The following FDX1 variants were observed in gnomAD, a reference collection of about 807,000 sequenced individuals.
FDX1 encodes the protein adrenodoxin, mitochondrial.
In FDX1, 9 loss-of-function variants were observed where a neutral mutation model predicts 14.9. The observed-to-expected ratio is 0.60, with a 90% confidence interval of 0.36 to 1.05. The LOEUF is 1.05. Among genes scored for constraint, FDX1 ranks in the 50% least tolerant of loss-of-function variants. The pLI is 0.01. For synonymous variants in FDX1, 92 were observed against 99.4 expected, an observed-to-expected ratio of 0.93 and a Z score of 0.44; for missense variants, 204 against 237.2, an observed-to-expected ratio of 0.86 and a Z score of 0.92.
intron 3 of FDX1, among the ~76,000 whole-genome samples, 194 bp downstream of exon 3, chr11:110,457,241 T>G (rs544350960): frequency 9.8e-5 from 15 of 152,310 alleles, no homozygotes; most frequent in African/African-American, 2.4e-4. Flanking sequence ...CTTATGAAAT[T>G]TTACAAAAGT....
At chr11:110,437,602 T>C (rs955846860) in intron 2 of FDX1, among the ~76,000 whole-genome samples, 1 of 152,240 alleles carries the variant, frequency 6.6e-6, no homozygotes, top group African/African-American at 2.4e-5. Flanking sequence ...GCCGCTTTTA[T>C]GTCTGTGTCT....
intron 1 of FDX1, among the ~76,000 whole-genome samples, chr11:110,434,229 A>G (rs1022991244): frequency 2.7e-4 from 41 of 152,180 alleles, no homozygotes; most frequent in African/African-American, 9.4e-4. Flanking sequence ...ATTTGTAAGT[A>G]TACAATGTGG....
chr11:110,432,196 A>G (rs1007327141), intron 1 of FDX1, among the ~76,000 whole-genome samples: 2 of 152,198 alleles, frequency 1.3e-5, no homozygotes, highest in Non-Finnish European at 2.9e-5. Context: ...GAGAGTCAGA[A>G]AAACTCCTTT....
At chr11:110,457,144 T>C in intron 3 of FDX1, 97 bp downstream of exon 3, 3 of 1,055,722 alleles carry the variant, frequency 2.8e-6, no homozygotes, top group Non-Finnish European at 4.1e-6. Context: ...AATGTAATAG[T>C]GTTCTACCAG....
chr11:110,435,762 G>T lies in FDX1; in HGVS notation c.186-72G>T, dbSNP rs779949588. 4.8e-4 allele frequency: 602 copies of T among 1,256,426 alleles called. 6 individuals carry two copies. The highest frequency in any genetic ancestry group is 2.7e-4 in the Middle Eastern group (1 of 3,686). The allele number at this position is 1,256,426 out of a possible 1,614,324, so 77.8% of individuals were successfully genotyped here. On this transcript the variant is annotated intron_variant, in intron 1 of 3. Coordinates refer to ENST00000260270, the MANE Select transcript of FDX1 (RefSeq NM_004109.5). ...CCCATCTACTCTGGAGGCCTTATAG[G>T]CTTTTAAACCAATTATTTTAAATTA...
At chr11:110,432,733 T>C (rs1354609588) in intron 1 of FDX1, among the ~76,000 whole-genome samples, 1 of 152,172 alleles carries the variant, frequency 6.6e-6, no homozygotes, top group Non-Finnish European at 1.5e-5. Flanking sequence ...CCTCCCAAAG[T>C]ATTGGGATTA....
At chr11:110,434,719 T>A (rs1946356364) in intron 1 of FDX1, among the ~76,000 whole-genome samples, 1 of 112,632 alleles carries the variant, frequency 8.9e-6, no homozygotes, top group Admixed American at 1.0e-4. Flanking sequence ...TGTGATGACT[T>A]TTTTTGTTTT....
At chr11:110,460,585 C>T (rs1002489250) in intron 3 of FDX1, among the ~76,000 whole-genome samples, 1 of 152,220 alleles carries the variant, frequency 6.6e-6, no homozygotes, top group Non-Finnish European at 1.5e-5. Flanking sequence ...TTAGACCTCT[C>T]AGAGCCATTT....
At chr11:110,447,449 TCAAA>T (rs1016703789) in intron 2 of FDX1, among the ~76,000 whole-genome samples, 18 of 152,048 alleles carry the variant, frequency 1.2e-4, no homozygotes, top group African/African-American at 3.6e-4. Context: ...TGAGACTCCT[TCAAA>T]CAAACAAACA....
chr11:110,433,603 C>G (rs1946345749), intron 1 of FDX1, among the ~76,000 whole-genome samples: 3 of 152,172 alleles, frequency 2.0e-5, no homozygotes, highest in African/African-American at 7.2e-5. Flanking sequence ...CATTCTCAGC[C>G]ATTGTACTTT....
intron 2 of FDX1, among the ~76,000 whole-genome samples, chr11:110,437,540 T>G (rs1946378260): frequency 6.6e-6 from 1 of 152,200 alleles, no homozygotes; most frequent in Non-Finnish European, 1.5e-5. Flanking sequence ...TGGTTTTGAT[T>G]TGTATTTCTC....
intron 1 of FDX1, among the ~76,000 whole-genome samples, chr11:110,431,729 A>G (rs1346115910): frequency 2.6e-5 from 4 of 152,162 alleles, no homozygotes; most frequent in Non-Finnish European, 5.9e-5. Context: ...ATTGGGAGTT[A>G]TCTTTCTCAG....
chr11:110,434,406 G>A (rs972712110), intron 1 of FDX1, among the ~76,000 whole-genome samples: 4 of 143,732 alleles, frequency 2.8e-5, no homozygotes, highest in Admixed American at 2.3e-4. Flanking sequence ...GTTTGATCTC[G>A]GCTCACTGCA....
At chr11:110,456,039 T>C (rs1351412212) in intron 2 of FDX1, among the ~76,000 whole-genome samples, 7 of 152,164 alleles carry the variant, frequency 4.6e-5, no homozygotes, top group African/African-American at 1.7e-4. Flanking sequence ...GCGTACGATA[T>C]GTATTCAGTA....
chr11:110,464,773 A>T lies in FDX1; in HGVS notation c.*2305A>T, dbSNP rs1565387182. On this transcript the variant is annotated 3_prime_UTR_variant, in exon 4 of 4. Coordinates refer to ENST00000260270, the MANE Select transcript of FDX1 (RefSeq NM_004109.5). ...ATTATATTCAACCAAAGCACTCTAA[A>T]ATTTAGAGTATAAATTGTCTTATAT... The T allele has an allele frequency of 6.6e-6, 1 of 152,206 alleles. No homozygotes were observed. Among genetic ancestry groups the T allele is most frequent in the Non-Finnish European group, 1.5e-5 (1 of 68,030 alleles). The allele number at this position is 152,206 out of a possible 1,614,324, so 9.4% of individuals were successfully genotyped here.
chr11:110,430,075 T>G lies in FDX1; in HGVS notation c.-46T>G. 8.3e-7 allele frequency: 1 copy of G among 1,201,254 alleles called. No homozygotes were observed. The highest frequency in any genetic ancestry group is 4.0e-5 in the South Asian group (1 of 25,264). 74.4% of individuals were successfully genotyped at this position (1,201,254 alleles called of 1,614,324 possible). A position where few individuals can be genotyped will look rare whatever the true frequency, so the allele number is the denominator to read the frequency against. ...CGCCTCTTTGGAGTCTCTCGCGGCC[T>G]CAAAGCGCGGCCTGCGTCGCTTCCG... On this transcript the variant is annotated 5_prime_UTR_variant, in exon 1 of 4. Coordinates refer to ENST00000260270, the MANE Select transcript of FDX1 (RefSeq NM_004109.5).
At chr11:110,447,563 TTTTG>T (rs1946459931) in intron 2 of FDX1, among the ~76,000 whole-genome samples, 3 of 152,184 alleles carry the variant, frequency 2.0e-5, no homozygotes, top group African/African-American at 7.2e-5. Context: ...TCTTCCTCTT[TTTTG>T]TTTTTTTCTC....
intron 2 of FDX1, among the ~76,000 whole-genome samples, chr11:110,441,916 C>G (rs986651840): frequency 2.0e-5 from 3 of 152,126 alleles, no homozygotes; most frequent in Admixed American, 6.5e-5. Context: ...TGGGCTGGGC[C>G]CAGGGCCCCC....
At chr11:110,454,968 T>G (rs1157601919) in intron 2 of FDX1, among the ~76,000 whole-genome samples, 2 of 152,232 alleles carry the variant, frequency 1.3e-5, no homozygotes, top group Admixed American at 6.5e-5. Flanking sequence ...TTAATAAAAA[T>G]GAAGATTTAG....
Sources: gnomAD v4.1 joint callset for allele counts (sites outside exome capture counted in the v4.1 genomes callset) on GRCh38, gnomAD v4.1.1 for gene constraint, MANE v1.5 for transcripts, NCBI Gene and HGNC (gene_info 2026-07-23, HGNC 2026-07-21) for gene names.